The following TG variants were observed in gnomAD, a reference collection of about 807,000 sequenced individuals.
TG encodes the protein thyroglobulin, also known as thyroid hormones.
TG carries 270 observed loss-of-function variants against 324.7 expected under a neutral mutation model. The ratio of observed to expected loss-of-function variants is 0.83; its 90% CI spans 0.75 to 0.92. The LOEUF is 0.92. Ranked by LOEUF, TG falls within the 40% of genes least tolerant of loss-of-function variation. The probability of loss-of-function intolerance (pLI) is 0.00; values close to 1 mark genes in which losing one functional copy is unlikely to be tolerated. For missense variants in TG, 3,591 were observed against 3,456.4 expected (o/e 1.04, Z -0.98); for synonymous variants, 1,401 against 1,327.0 (o/e 1.06, Z -1.21).
chr8:133,106,309 C>T (rs374080563), intron 43 of TG: 5 of 709,286 alleles, frequency 7.0e-6, no homozygotes, highest in South Asian at 6.3e-5. Context: ...GGGGAAGCAG[C>T]GCTGAGGGGC....
In TG at chr8:132,967,964, A is replaced by G. The variant is rs1380926961; in HGVS notation, c.5857A>G (p.Lys1953Glu). ...LPQMPKALFRKKVILEDKVKN... is the reference protein window; with the variant it reads ...LPQMPKALFREKVILEDKVKN... ...TCAGATGCCAAAGGCCCTGTTCCGG[A>G]AGAAAGGTGAGCACTTGGAGAGATC... Residue 1953 changes from lysine to glutamate, a missense_variant, in exon 31 of 48, where the codon AAG becomes GAG. Lys to Glu is a moderately conservative substitution (Grantham distance 56). Coordinates refer to ENST00000220616, the MANE Select transcript of TG (RefSeq NM_003235.5). 6.2e-7 allele frequency: 1 copy of G among 1,613,510 alleles called. No homozygotes were observed. Among genetic ancestry groups the G allele is most frequent in the South Asian group, 1.1e-5 (1 of 91,054 alleles).
chr8:133,083,879 A>G (rs932305984), intron 41 of TG, among the ~76,000 whole-genome samples: 3 of 151,870 alleles, frequency 2.0e-5, no homozygotes, highest in Non-Finnish European at 1.5e-5. Context: ...GTCCCTCTGC[A>G]CCCAGTGGTT....
At chr8:133,115,756 T>G (rs920210223) in intron 44 of TG, among the ~76,000 whole-genome samples, 2 of 152,176 alleles carry the variant, frequency 1.3e-5, no homozygotes, top group African/African-American at 4.8e-5. Context: ...TCAGCCAGGG[T>G]CTGTCTGACT....
At chr8:132,986,479 A>T (rs912528342) in intron 35 of TG, among the ~76,000 whole-genome samples, 5 of 151,988 alleles carry the variant, frequency 3.3e-5, no homozygotes, top group Non-Finnish European at 7.4e-5. Context: ...GCAGGCATGT[A>T]TATACGTAGT....
At chr8:132,942,017 C>T (rs957180076) in intron 26 of TG, among the ~76,000 whole-genome samples, 3 of 152,176 alleles carry the variant, frequency 2.0e-5, no homozygotes. Flanking sequence ...CTATTGAGTG[C>T]CCACTGCATA....
In TG at chr8:133,022,102, G is replaced by A. The variant is rs752587385; in HGVS notation, c.6988G>A (p.Val2330Met). The A allele has an allele frequency of 1.2e-5, 19 of 1,614,014 alleles. No individual in the cohort carries two copies. Among genetic ancestry groups the A allele is most frequent in the East Asian group, 4.5e-5 (2 of 44,870 alleles). ...SFLAAVGNLIVVTASYRVGVF... is the reference protein window; with the variant it reads ...SFLAAVGNLIMVTASYRVGVF... The stretch of plus-strand genomic sequence containing the variant: ...CTTGGCTGCTGTTGGCAACCTCATC[G>A]TGGTCACTGCCAGCTACCGAGTGGG... Residue 2330 changes from valine (V) to methionine (M), a missense_variant, in exon 40 of 48, where the codon GTG becomes ATG. By Grantham distance (21) the Val-to-Met change is conservative. Coordinates refer to ENST00000220616, the MANE Select transcript of TG (RefSeq NM_003235.5).
intron 32 of TG, among the ~76,000 whole-genome samples, chr8:132,970,679 G>A (rs770762476): frequency 6.6e-6 from 1 of 152,174 alleles, no homozygotes; most frequent in East Asian, 1.9e-4. Flanking sequence ...AGTGGTGGAT[G>A]AAAAGGAGGG....
chr8:132,991,223 C>G (rs73708809), intron 35 of TG, among the ~76,000 whole-genome samples: 2,505 of 152,122 alleles, frequency 0.016, 49 homozygotes, highest in African/African-American at 0.055. Context: ...GCCCTGCAGT[C>G]CTGGAGGGAG....
At position 133,087,837 on chromosome 8, in the gene TG, C is replaced by T. The variant is rs567294832; in HGVS notation, c.7240-7207C>T. 36 of 152,264 alleles carry T rather than the reference C, an allele frequency of 2.4e-4. No homozygotes were observed. The Middle Eastern group carries it at 0.01, about 43-fold the overall frequency. 9.4% of individuals were successfully genotyped at this position (152,264 alleles called of 1,614,324 possible). A position where few individuals can be genotyped will look rare whatever the true frequency, so the allele number is the denominator to read the frequency against. On this transcript the variant is annotated intron_variant, in intron 41 of 47. Coordinates refer to ENST00000220616, the MANE Select transcript of TG (RefSeq NM_003235.5). The stretch of plus-strand genomic sequence containing the variant: ...GCCTGTGAATGTCACGTGACCTCCT[C>T]CAGCTGTTGAGACAGCACGGAATCA...
At chr8:133,028,280 C>T (rs1587802629) in intron 40 of TG, among the ~76,000 whole-genome samples, 1 of 152,168 alleles carries the variant, frequency 6.6e-6, no homozygotes, top group African/African-American at 2.4e-5. Flanking sequence ...CACATTCATC[C>T]TAACAAATGG....
intron 19 of TG, among the ~76,000 whole-genome samples, chr8:132,912,669 G>A (rs1301343440): frequency 6.6e-6 from 1 of 152,108 alleles, no homozygotes; most frequent in Admixed American, 6.5e-5. Flanking sequence ...CCATTTTTCA[G>A]GTGGGAAAAC....
chr8:132,979,265 C>G (rs978209623), intron 34 of TG, among the ~76,000 whole-genome samples: 1 of 152,186 alleles, frequency 6.6e-6, no homozygotes, highest in East Asian at 1.9e-4. Context: ...AGAACTAGGG[C>G]TGCCCATCTT....
intron 34 of TG, among the ~76,000 whole-genome samples, chr8:132,976,427 C>T (rs1830182230): frequency 6.6e-6 from 1 of 152,220 alleles, no homozygotes; most frequent in Admixed American, 6.5e-5. Context: ...ATTACTGTTG[C>T]AATGGCAATT....
Position 133,096,265 on chromosome 8 carries a change from C to T in TG, c.7464C>T (p.Leu2488=), listed in dbSNP as rs758341285. 8.1e-6 allele frequency: 13 copies of T among 1,614,138 alleles called. No individual in the cohort carries two copies. The highest frequency in any genetic ancestry group is 5.5e-5 in the South Asian group (5 of 91,092). The change falls in exon 43 of 48, where the codon CTC becomes CTT. Residue 2488 remains leucine, a synonymous_variant. Transcript: ENST00000220616. ...YWGPVIDGHF[L]REPPARALKR... is the part of the protein sequence containing the mutation. The stretch of plus-strand genomic sequence containing the variant: ...GTCCTGTGATCGATGGCCACTTCCT[C>T]CGTGAGCCTCCAGCCAGAGCACTGA...
intron 43 of TG, chr8:133,102,648 C>A: frequency 7.6e-7 from 1 of 1,318,744 alleles, no homozygotes; most frequent in South Asian, 1.3e-5. Flanking sequence ...CTTCATCAGT[C>A]GCTGTCATGG....
In TG at chr8:132,887,390, T is replaced by C. The variant is rs140030169; in HGVS notation, c.2018T>C (p.Met673Thr). 219 of 1,614,084 alleles carry C rather than the reference T, an allele frequency of 1.4e-4. No individual in the cohort carries two copies. The highest frequency in any genetic ancestry group is 1.8e-4 in the Non-Finnish European group (209 of 1,180,034). ...CAAAGGGCTCGCATGCAAAGCCTCA[T>C]GGGCAGCCAGCCTGCTGGCTCCACC... ...EKQRARMQSL[M>T]GSQPAGSTLF... The change falls in exon 9 of 48, where the codon ATG (methionine) becomes ACG (threonine). Residue 673 changes from methionine (M) to threonine (T), a missense_variant. Physicochemically the swap from Met to Thr is moderately conservative, Grantham distance 81. Transcript: ENST00000220616.
intron 41 of TG, chr8:133,049,725 A>T: frequency 1.2e-5 from 7 of 607,306 alleles, no homozygotes; most frequent in Non-Finnish European, 2.1e-5. Context: ...CAGAGAGCAG[A>T]AGAGATAAGT....
chr8:132,983,203 C>G, intron 34 of TG, 147 bp from the exon 35 acceptor site: 1 of 834,272 alleles, frequency 1.2e-6, no homozygotes, highest in Non-Finnish European at 2.1e-6. Context: ...ATCATCCAGC[C>G]CACCCTGACC....
chr8:132,934,021 T>C (rs2129698985), intron 24 of TG, among the ~76,000 whole-genome samples: 1 of 152,096 alleles, frequency 6.6e-6, no homozygotes, highest in Non-Finnish European at 1.5e-5. Flanking sequence ...AATATGCCTT[T>C]CCATTGTAGA....
Sources: gnomAD v4.1 joint callset for allele counts (sites outside exome capture counted in the v4.1 genomes callset) on GRCh38, gnomAD v4.1.1 for gene constraint, MANE v1.5 for transcripts, NCBI Gene and HGNC (gene_info 2026-07-23, HGNC 2026-07-21) for gene names.